The following DIS3L2 variants were observed in gnomAD, a reference collection of about 807,000 sequenced individuals.
DIS3L2 encodes DIS3 like 3'-5' exoribonuclease 2, also known as DIS3-like exonuclease 2.
DIS3L2 carries 34 observed loss-of-function variants against 97.5 expected under a neutral mutation model. That is an observed-to-expected ratio of 0.35 (90% CI 0.27 to 0.46). The LOEUF (loss-of-function observed/expected upper bound fraction) is 0.46. Among genes scored for constraint, DIS3L2 ranks in the 20% least tolerant of loss-of-function variants. DIS3L2 has a pLI of 1.00. For synonymous variants in DIS3L2, 435 were observed against 445.2 expected (o/e 0.98, Z 0.29); for missense variants, 1,038 against 1,146.0 (o/e 0.91, Z 1.36).
chr2:232,050,135 C>T (rs756659173), intron 5 of DIS3L2, among the ~76,000 whole-genome samples: 2 of 152,162 alleles, frequency 1.3e-5, no homozygotes, highest in Non-Finnish European at 2.9e-5. Context: ...CTGGAGCTTT[C>T]TACAGTGATT....
chr2:232,092,296 C>T (rs1360601450), intron 6 of DIS3L2, among the ~76,000 whole-genome samples: 3 of 151,994 alleles, frequency 2.0e-5, no homozygotes, highest in African/African-American at 4.8e-5. Flanking sequence ...AGTACCATGC[C>T]GTTTTGGTTA....
chr2:232,265,914 A>G (rs1368639101), intron 13 of DIS3L2, among the ~76,000 whole-genome samples: 4 of 152,252 alleles, frequency 2.6e-5, no homozygotes, highest in Admixed American at 2.6e-4. Flanking sequence ...AAAGCCTTAC[A>G]TTTACAAAAA....
downstream of DIS3L2, among the ~76,000 whole-genome samples, chr2:232,338,918 G>A (rs1364607622): frequency 3.9e-5 from 6 of 152,298 alleles, no homozygotes; most frequent in Non-Finnish European, 5.9e-5. Flanking sequence ...CGGGCACAGA[G>A]CGAGACTGTC....
chr2:231,988,932 T>C (rs1258993854), intron 1 of DIS3L2, among the ~76,000 whole-genome samples: 8 of 152,228 alleles, frequency 5.3e-5, no homozygotes, highest in African/African-American at 1.9e-4. Flanking sequence ...TTTCAATTCT[T>C]GTATGTTTTA....
In DIS3L2 at chr2:232,181,546, C is replaced by T. The variant is rs575880132; in HGVS notation, c.1124+17914C>T. Among the ~76,000 whole-genome samples the T allele has an allele frequency of 1.4e-3, 212 of 152,244 alleles. 3 individuals carry two copies. In the South Asian group the frequency reaches 0.04, roughly 29 times the overall value. ...TCTTTTTTCTCTAAACTTCCCTTCT[C>T]GCTTCATTTCATTCACTTCATCTTC... On this transcript the variant is annotated intron_variant, in intron 9 of 20. Transcript: ENST00000325385.
chr2:232,230,712 AAGTG>A, intron 10 of DIS3L2, among the ~76,000 whole-genome samples: 1 of 152,268 alleles, frequency 6.6e-6, no homozygotes, highest in Non-Finnish European at 1.5e-5. Flanking sequence ...CAAAGTGAGA[AAGTG>A]AGTATGGTAC....
At chr2:232,209,596 G>A (rs77791390) in intron 9 of DIS3L2, among the ~76,000 whole-genome samples, 19 of 152,086 alleles carry the variant, frequency 1.2e-4, no homozygotes, top group Admixed American at 3.3e-4. Flanking sequence ...GGCAGTCCTC[G>A]GGCAGGAAAG....
chr2:232,003,330 T>G (rs559257100), intron 1 of DIS3L2, among the ~76,000 whole-genome samples: 1 of 152,348 alleles, frequency 6.6e-6, no homozygotes, highest in Admixed American at 6.5e-5. Flanking sequence ...CAGTTTATTG[T>G]GTCATTTTGG....
At chr2:232,145,606 T>C (rs1347096778) in intron 8 of DIS3L2, among the ~76,000 whole-genome samples, 2 of 152,024 alleles carry the variant, frequency 1.3e-5, no homozygotes, top group Non-Finnish European at 2.9e-5. Context: ...GTAGCAGGCA[T>C]TTTTTTTAAT....
intron 1 of DIS3L2, among the ~76,000 whole-genome samples, chr2:231,998,523 T>C (rs1413313570): frequency 6.6e-6 from 1 of 152,236 alleles, no homozygotes; most frequent in Non-Finnish European, 1.5e-5. Context: ...AGGAGACATA[T>C]AATGTTGATT....
chr2:232,096,366 G>A (rs539745836), intron 6 of DIS3L2, among the ~76,000 whole-genome samples: 19 of 151,734 alleles, frequency 1.3e-4, no homozygotes, highest in Non-Finnish European at 2.4e-4. Flanking sequence ...GATTACAAGC[G>A]TGAGCCACTG....
intron 14 of DIS3L2, 24 bp downstream of exon 14, chr2:232,300,143 T>A: frequency 6.2e-7 from 1 of 1,609,736 alleles, no homozygotes; most frequent in Non-Finnish European, 8.5e-7. Flanking sequence ...TGGGAAAGAG[T>A]GTCACTTCAC....
intron 5 of DIS3L2, among the ~76,000 whole-genome samples, chr2:232,067,569 T>TA (rs1209688383): frequency 3.9e-5 from 6 of 152,220 alleles, no homozygotes; most frequent in Non-Finnish European, 7.3e-5. Context: ...TCTATTGTGG[T>TA]AAACATTCTC....
intron 5 of DIS3L2, among the ~76,000 whole-genome samples, chr2:232,038,584 A>G (rs1233327196): frequency 6.6e-6 from 1 of 152,198 alleles, no homozygotes; most frequent in African/African-American, 2.4e-5. Context: ...AAGCAAACAT[A>G]TGAATAAGTA....
chr2:231,968,781 C>A (rs574833217), intron 1 of DIS3L2, among the ~76,000 whole-genome samples: 1 of 152,272 alleles, frequency 6.6e-6, no homozygotes, highest in East Asian at 1.9e-4. Flanking sequence ...TTTAAGAAAA[C>A]TGTCAATGTT....
At chr2:232,080,417 A>T (rs777182531) in intron 5 of DIS3L2, among the ~76,000 whole-genome samples, 1 of 152,184 alleles carries the variant, frequency 6.6e-6, no homozygotes, top group South Asian at 2.1e-4. Flanking sequence ...AAGCCAAAAG[A>T]CTGCATGAAA....
intron 5 of DIS3L2, among the ~76,000 whole-genome samples, chr2:232,083,516 A>G (rs1190221297): frequency 6.8e-6 from 1 of 146,216 alleles, no homozygotes; most frequent in Non-Finnish European, 1.5e-5. Context: ...TTTTTTTGAG[A>G]CAGAGTCTCA....
chr2:232,299,889 G>C, intron 13 of DIS3L2, 151 bp from the exon 14 acceptor site: 1 of 641,694 alleles, frequency 1.6e-6, no homozygotes, highest in Non-Finnish European at 2.7e-6. Flanking sequence ...GTAAGGTGTG[G>C]GCTCTTCCCA....
downstream of DIS3L2, among the ~76,000 whole-genome samples, chr2:232,337,391 C>T (rs534143192): frequency 2.0e-5 from 3 of 152,276 alleles, no homozygotes; most frequent in Non-Finnish European, 4.4e-5. Context: ...TGAGTGGGTG[C>T]CCCGGCAGCA....
Sources: gnomAD v4.1 joint callset for allele counts (sites outside exome capture counted in the v4.1 genomes callset) on GRCh38, gnomAD v4.1.1 for gene constraint, MANE v1.5 for transcripts, NCBI Gene and HGNC (gene_info 2026-07-23, HGNC 2026-07-21) for gene names.